Variants in NTM observed in about 807,000 individuals in gnomAD.
The protein encoded by NTM is IgLON family member 2.
Under a neutral mutation model 42.1 loss-of-function variants are expected in NTM, and 13 were observed. That is an observed-to-expected ratio of 0.31 (90% confidence interval 0.20 to 0.49). The LOEUF is 0.49. Ranked by LOEUF, NTM falls within the 20% of genes least tolerant of loss-of-function variation. The pLI is 0.99. For synonymous variants in NTM, 187 were observed against 179.2 expected, an observed-to-expected ratio of 1.04 and a Z score of -0.35; for missense variants, 373 against 452.8, an observed-to-expected ratio of 0.82 and a Z score of 1.60.
At chr11:131,603,278 C>T (rs901547224) in intron 1 of NTM, among the ~76,000 whole-genome samples, 8 of 151,744 alleles carry the variant, frequency 5.3e-5, no homozygotes, top group Non-Finnish European at 8.8e-5. Context: ...TTGACTTTAT[C>T]CTCTCTCTGC....
chr11:131,978,073 A>C (rs1027129610), intron 2 of NTM, among the ~76,000 whole-genome samples: 3 of 152,182 alleles, frequency 2.0e-5, no homozygotes, highest in African/African-American at 7.2e-5. Context: ...GAGCCACATG[A>C]AGTCAGATGA....
intron 4 of NTM, chr11:132,284,498 G>C (rs973661594): frequency 6.5e-6 from 1 of 154,078 alleles, no homozygotes; most frequent in African/African-American, 2.4e-5. Context: ...TAGGGACCCT[G>C]CTTCCAAATG....
intron 1 of NTM, among the ~76,000 whole-genome samples, chr11:131,463,655 C>T (rs1036772458): frequency 6.6e-6 from 1 of 152,226 alleles, no homozygotes; most frequent in Admixed American, 6.5e-5. Context: ...TTACTGTTAT[C>T]GTGAACTAGC....
At chr11:131,699,286 T>G (rs1592611343) in intron 1 of NTM, among the ~76,000 whole-genome samples, 1 of 152,338 alleles carries the variant, frequency 6.6e-6, no homozygotes, top group African/African-American at 2.4e-5. Flanking sequence ...ATTGAGTTTT[T>G]GTCCACCTAC....
At chr11:132,109,488 A>C (rs1242344501) in intron 2 of NTM, among the ~76,000 whole-genome samples, 2 of 152,190 alleles carry the variant, frequency 1.3e-5, no homozygotes, top group East Asian at 1.9e-4. Context: ...ATGATAAATA[A>C]ATTTCTGTTG....
intron 3 of NTM, among the ~76,000 whole-genome samples, chr11:132,171,557 G>A (rs1283016799): frequency 1.3e-5 from 2 of 152,092 alleles, no homozygotes; most frequent in East Asian, 1.9e-4. Flanking sequence ...ACCTCGCAAG[G>A]CTCCACCCTC....
intron 1 of NTM, among the ~76,000 whole-genome samples, chr11:131,528,944 T>G (rs1405141080): frequency 2.0e-5 from 3 of 152,222 alleles, no homozygotes; most frequent in African/African-American, 7.2e-5. Context: ...AGATTACATT[T>G]TATTTCCTTG....
At chr11:131,465,791 G>T (rs1170873733) in intron 1 of NTM, among the ~76,000 whole-genome samples, 2 of 149,624 alleles carry the variant, frequency 1.3e-5, no homozygotes, top group Non-Finnish European at 2.9e-5. Flanking sequence ...GCTCGGTTCT[G>T]CAGGGCCATG....
intron 1 of NTM, among the ~76,000 whole-genome samples, chr11:131,632,802 G>A (rs2063795997): frequency 6.8e-6 from 1 of 148,012 alleles, no homozygotes; most frequent in African/African-American, 2.5e-5. Context: ...AGCCTCCCGT[G>A]TAGCTGGGAC....
At chr11:131,442,809 A>ATG (rs1433787798) in intron 1 of NTM, among the ~76,000 whole-genome samples, 2 of 151,732 alleles carry the variant, frequency 1.3e-5, no homozygotes, top group African/African-American at 2.4e-5. Context: ...TATTATATAT[A>ATG]TGTGTGTGTA....
At chr11:131,910,429 T>C (rs1485560514) in intron 1 of NTM, among the ~76,000 whole-genome samples, 3 of 151,804 alleles carry the variant, frequency 2.0e-5, no homozygotes, top group Admixed American at 1.3e-4. Flanking sequence ...GTGCACAGCC[T>C]GGGCCCGGCG....
At chr11:132,271,022 G>A (rs932170357) in intron 4 of NTM, among the ~76,000 whole-genome samples, 2 of 152,054 alleles carry the variant, frequency 1.3e-5, no homozygotes, top group Non-Finnish European at 2.9e-5. Context: ...TTAGAAAAAT[G>A]TTATCATCCC....
At chr11:132,082,496 C>T (rs754229917) in intron 2 of NTM, among the ~76,000 whole-genome samples, 4 of 152,134 alleles carry the variant, frequency 2.6e-5, no homozygotes, top group Non-Finnish European at 5.9e-5. Context: ...ATTTATTTTC[C>T]TTACTGGGCA....
intron 1 of NTM, among the ~76,000 whole-genome samples, chr11:131,813,116 G>A (rs1309786613): frequency 6.6e-6 from 1 of 152,188 alleles, no homozygotes; most frequent in African/African-American, 2.4e-5. Flanking sequence ...AGTTATCAAA[G>A]TTACGCCTTC....
intron 1 of NTM, among the ~76,000 whole-genome samples, chr11:131,446,717 C>T (rs1300400221): frequency 2.6e-5 from 4 of 152,178 alleles, no homozygotes; most frequent in Non-Finnish European, 5.9e-5. Flanking sequence ...CAAGTCAACT[C>T]TAAGTACACA....
chr11:131,823,822 C>A (rs1297081435), intron 1 of NTM, among the ~76,000 whole-genome samples: 1 of 152,182 alleles, frequency 6.6e-6, no homozygotes, highest in Non-Finnish European at 1.5e-5. Flanking sequence ...CAATGGCTAA[C>A]CTCAAATGTA....
intron 1 of NTM, among the ~76,000 whole-genome samples, chr11:131,573,375 C>G (rs1252215123): frequency 6.6e-6 from 1 of 152,164 alleles, no homozygotes; most frequent in Non-Finnish European, 1.5e-5. Flanking sequence ...CATAAAGTGC[C>G]TCACAGTAGA....
intron 2 of NTM, among the ~76,000 whole-genome samples, chr11:132,080,838 A>G (rs2058948963): frequency 6.6e-6 from 1 of 152,182 alleles, no homozygotes; most frequent in Non-Finnish European, 1.5e-5. Flanking sequence ...TGGAGATCTA[A>G]TAGTTGGGTA....
intron 1 of NTM, among the ~76,000 whole-genome samples, chr11:131,602,624 G>A: frequency 6.6e-6 from 1 of 152,100 alleles, no homozygotes; most frequent in Non-Finnish European, 1.5e-5. Context: ...TTATGTTAAT[G>A]ACTCTCAAAT....
Sources: allele counts gnomAD v4.1 joint callset (sites outside exome capture counted in the v4.1 genomes callset), GRCh38; gene constraint gnomAD v4.1.1; transcripts MANE v1.5; gene names NCBI Gene and HGNC (gene_info 2026-07-23, HGNC 2026-07-21).